The following CSMD3 variants were observed in gnomAD, a reference collection of about 807,000 sequenced individuals.
CSMD3 encodes CUB and sushi domain-containing protein 3.
Under a neutral mutation model 435.2 loss-of-function variants are expected in CSMD3, and 177 were observed. That is an observed-to-expected ratio of 0.41 (90% CI 0.36 to 0.46). The LOEUF (loss-of-function observed/expected upper bound fraction) is 0.46. Ranked by LOEUF, CSMD3 falls within the 20% of genes least tolerant of loss-of-function variation. The pLI is 0.34. For missense variants in CSMD3, 4,265 were observed against 4,504.6 expected (o/e 0.95, Z 1.52); for synonymous variants, 1,656 against 1,520.5 (o/e 1.09, Z -2.07).
intron 1 of CSMD3, chr8:113,376,716 G>A (rs17609383): frequency 0.25 from 405,814 of 1,612,334 alleles, 59,449 homozygotes; most frequent in East Asian, 0.61. Flanking sequence ...GGCGCAAGGA[G>A]CCTAAGAGCC....
At chr8:112,951,886 G>A (rs1247302841) in intron 8 of CSMD3, among the ~76,000 whole-genome samples, 1 of 150,718 alleles carries the variant, frequency 6.6e-6, no homozygotes, top group Non-Finnish European at 1.5e-5. Flanking sequence ...TAATATGAAT[G>A]AATAAAAGTA....
intron 12 of CSMD3, among the ~76,000 whole-genome samples, chr8:112,817,880 T>C (rs1341632686): frequency 6.6e-6 from 1 of 152,112 alleles, no homozygotes; most frequent in East Asian, 1.9e-4. Flanking sequence ...ATTTTATTGG[T>C]CATAACTTTG....
intron 57 of CSMD3, among the ~76,000 whole-genome samples, chr8:112,288,669 G>A (rs1400726360): frequency 1.3e-5 from 2 of 151,772 alleles, no homozygotes; most frequent in Admixed American, 1.3e-4. Flanking sequence ...GTATCAACTA[G>A]GGAGCCATCA....
chr8:112,525,680 C>A (rs924623660), intron 27 of CSMD3, among the ~76,000 whole-genome samples: 3 of 147,802 alleles, frequency 2.0e-5, no homozygotes, highest in African/African-American at 7.4e-5. Flanking sequence ...AAGATCTCGC[C>A]ACTGCACTCC....
In CSMD3 at chr8:112,948,392, C is replaced by T. The variant is rs148721830; in HGVS notation, c.1421-515G>A. Among the ~76,000 whole-genome samples the T allele has an allele frequency of 8.1e-3, 1,226 of 152,076 alleles. 19 individuals carry two copies. The highest frequency in any genetic ancestry group is 0.028 in the African/African-American group (1,179 of 41,530). Reference sequence around the variant, plus strand: ...CCAGCATTAAAATACAGCAGTGGTGCAAATTACTAGGCATGCCTTTAAATT... The same window carrying T: ...CCAGCATTAAAATACAGCAGTGGTGTAAATTACTAGGCATGCCTTTAAATT... On this transcript the variant is annotated intron_variant, in intron 8 of 70. Transcript: ENST00000297405.
Position 112,829,689 on chromosome 8 carries a change from T to C in CSMD3, c.1856A>G (p.Gln619Arg). The C allele has an allele frequency of 6.3e-7, 1 of 1,591,724 alleles. No homozygotes were observed. Among genetic ancestry groups the C allele is most frequent in the Non-Finnish European group, 8.6e-7 (1 of 1,159,654 alleles). Residue 619 changes from glutamine (Q) to arginine (R), a missense_variant, in exon 12 of 71, where the codon CAA (glutamine) becomes CGA (arginine). This residue lies in a region of CSMD3 where 731 missense variants were observed against 755.4 expected (regional missense o/e 0.97). Coordinates refer to ENST00000297405, the MANE Select transcript of CSMD3 (RefSeq NM_198123.2). ...AAATGAAACATTGGGAACTTACACT[T>C]GGAGCACTGTCCTAGGATCTCCAAC... is the stretch of plus-strand genomic sequence containing the variant. ...GEVGDPRTVL[Q>R]VLTGSFVPDL... is the part of the protein sequence containing the mutation.
intron 27 of CSMD3, among the ~76,000 whole-genome samples, chr8:112,517,746 A>T (rs530486772): frequency 3.5e-4 from 54 of 152,320 alleles, no homozygotes; most frequent in Non-Finnish European, 6.9e-4. Context: ...TCAATTTTTT[A>T]AAAAATATAT....
rs184184602 is a variant in CSMD3 at position 112,838,577 on chromosome 8, T to C, written c.1756-8788A>G. On this transcript the variant is annotated intron_variant, in intron 11 of 70. Coordinates refer to ENST00000297405, the MANE Select transcript of CSMD3 (RefSeq NM_198123.2). ...TATAATAGTTTTTTTTCCCTTTTTT[T>C]CCATACACATGAAAGCATTATTCAA... 1.1e-3 allele frequency among the ~76,000 whole-genome samples: 162 copies of C among 151,798 alleles called. 1 individual carries two copies. The highest frequency in any genetic ancestry group is 1.9e-3 in the Non-Finnish European group (132 of 67,762).
At chr8:113,155,487 A>G (rs1367667789) in intron 4 of CSMD3, among the ~76,000 whole-genome samples, 2 of 152,030 alleles carry the variant, frequency 1.3e-5, no homozygotes, top group South Asian at 4.1e-4. Context: ...CCAATAGTAA[A>G]ACTATTAAGG....
At chr8:113,169,757 T>A (rs2092232851) in intron 4 of CSMD3, among the ~76,000 whole-genome samples, 2 of 152,162 alleles carry the variant, frequency 1.3e-5, no homozygotes, top group Admixed American at 1.3e-4. Context: ...AGGAATAGCA[T>A]AACCATTTCA....
At chr8:112,801,842 A>G (rs944447987) in intron 12 of CSMD3, among the ~76,000 whole-genome samples, 3 of 152,164 alleles carry the variant, frequency 2.0e-5, no homozygotes, top group African/African-American at 4.8e-5. Flanking sequence ...CAGCTATACC[A>G]TATCAAACAT....
intron 59 of CSMD3, among the ~76,000 whole-genome samples, chr8:112,267,757 C>G (rs994917726): frequency 1.3e-5 from 2 of 152,098 alleles, no homozygotes; most frequent in Non-Finnish European, 2.9e-5. Flanking sequence ...TTCTGCACAT[C>G]ATGGCACCAC....
intron 4 of CSMD3, among the ~76,000 whole-genome samples, chr8:113,135,914 T>C (rs372569741): frequency 6.6e-6 from 1 of 151,860 alleles, no homozygotes; most frequent in African/African-American, 2.4e-5. Flanking sequence ...CTAATTTAAC[T>C]AAAATCTCCG....
At chr8:112,747,779 C>T (rs2077468340) in intron 13 of CSMD3, among the ~76,000 whole-genome samples, 1 of 151,724 alleles carries the variant, frequency 6.6e-6, no homozygotes, top group South Asian at 2.1e-4. Context: ...ATCGAGACCA[C>T]GGTGAAACCC....
At chr8:113,048,027 AAAT>A (rs1393330831) in intron 5 of CSMD3, among the ~76,000 whole-genome samples, 2 of 152,002 alleles carry the variant, frequency 1.3e-5, no homozygotes, top group Non-Finnish European at 2.9e-5. Flanking sequence ...AGCAACTCTG[AAAT>A]AATAGCCAAT....
At chr8:112,242,628 T>C (rs1250806428) in intron 65 of CSMD3, among the ~76,000 whole-genome samples, 1 of 152,086 alleles carries the variant, frequency 6.6e-6, no homozygotes, top group Non-Finnish European at 1.5e-5. Context: ...AGGAGATTAC[T>C]AGATCTCATG....
At chr8:112,418,689 T>C (rs1353044355) in intron 32 of CSMD3, among the ~76,000 whole-genome samples, 2 of 152,176 alleles carry the variant, frequency 1.3e-5, no homozygotes, top group Non-Finnish European at 2.9e-5. Flanking sequence ...CCAAATCAAA[T>C]CAATGAGCTA....
chr8:112,947,754 A>G (rs371825081), intron 9 of CSMD3, 36 bp downstream of exon 9: 2 of 867,256 alleles, frequency 2.3e-6, no homozygotes, highest in South Asian at 2.7e-5. Flanking sequence ...AAACCTTGAC[A>G]AGATAAATAA....
chr8:112,924,629 A>C, intron 9 of CSMD3, among the ~76,000 whole-genome samples: 1 of 151,468 alleles, frequency 6.6e-6, no homozygotes, highest in South Asian at 2.1e-4. Context: ...TATAATTATT[A>C]TAAAATAATA....
Sources: gnomAD v4.1 joint callset for allele counts (sites outside exome capture counted in the v4.1 genomes callset) on GRCh38, gnomAD v4.1.1 for gene constraint, gnomAD v4.1.1 regional missense constraint, MANE v1.5 for transcripts, NCBI Gene and HGNC (gene_info 2026-07-23, HGNC 2026-07-21) for gene names.